The following ASIC4 variants were observed in gnomAD, a reference collection of about 807,000 sequenced individuals.
ASIC4 encodes acid-sensing ion channel 4.
A neutral mutation model predicts 53.4 loss-of-function variants in ASIC4; 28 were observed. That is an observed-to-expected ratio of 0.52 (90% CI 0.39 to 0.72). The LOEUF (loss-of-function observed/expected upper bound fraction) is 0.72, where lower values mean the gene tolerates loss of function less well. ASIC4 is among the 30% of genes least tolerant of loss of function. The pLI is 0.00. For missense variants in ASIC4, 649 were observed against 729.7 expected, an observed-to-expected ratio of 0.89 and a Z score of 1.27; for synonymous variants, 289 against 301.4, an observed-to-expected ratio of 0.96 and a Z score of 0.43.
At chr2:219,527,274 T>C (rs193020214) in intron 1 of ASIC4, among the ~76,000 whole-genome samples, 84 of 152,352 alleles carry the variant, frequency 5.5e-4, no homozygotes, top group African/African-American at 1.9e-3. Flanking sequence ...TGACCCGGGC[T>C]GTGCAGGTGG....
At chr2:219,535,020 C>G in intron 5 of ASIC4, 151 bp from the exon 6 acceptor site, 1 of 1,182,094 alleles carries the variant, frequency 8.5e-7, no homozygotes, top group Middle Eastern at 2.9e-4. Flanking sequence ...TGCAGCCAGT[C>G]CCCTCTAGGA....
Position 219,537,247 on chromosome 2 carries a change from C to T in ASIC4, c.1327C>T (p.Leu443Phe). ...ACTGCTCTCCTGCTTCCCAGGAGAC[C>T]TCGGGGGACAGATGGGCCTGTTCAT... ...AYGLSALLGDLGGQMGLFIGA... is the reference protein window; with the variant it reads ...AYGLSALLGDFGGQMGLFIGA... Residue 443 changes from leucine (L) to phenylalanine (F), a missense_variant, in exon 8 of 10, where the codon CTC (leucine) becomes TTC (phenylalanine). By Grantham distance (22) the Leu-to-Phe change is conservative (BLOSUM62 0). Coordinates refer to ENST00000358078, the MANE Select transcript of ASIC4 (RefSeq NM_018674.6). This position sits in a 1 kb window ranked among gnomAD's most constrained non-coding sequence, Gnocchi z 4.9. The T allele has an allele frequency of 6.2e-7, 1 of 1,613,678 alleles. No individual in the cohort carries two copies. The highest frequency in any genetic ancestry group is 8.5e-7 in the Non-Finnish European group (1 of 1,179,784).
At chr2:219,507,717 A>G in the ASIC4 span, among the ~76,000 whole-genome samples, 1 of 152,004 alleles carries the variant, frequency 6.6e-6, no homozygotes, top group African/African-American at 2.4e-5. Flanking sequence ...GTGTTGCCAG[A>G]TGAGCTGGTA....
At position 219,537,827 on chromosome 2, in the gene ASIC4, G is replaced by T. The variant is rs1410743132; in HGVS notation, c.1506+91G>T. 74 of 1,503,940 alleles carry T rather than the reference G, an allele frequency of 4.9e-5. No individual in the cohort carries two copies. Among genetic ancestry groups the T allele is most frequent in the Non-Finnish European group, 6.2e-5 (68 of 1,100,742 alleles). The allele number at this position is 1,503,940 out of a possible 1,614,324, so 93.2% of individuals were successfully genotyped here. On this transcript the variant is annotated intron_variant, in intron 9 of 9. Coordinates refer to ENST00000358078, the MANE Select transcript of ASIC4 (RefSeq NM_018674.6). The surrounding 1 kb of genome is among the most constrained non-coding windows in gnomAD (Gnocchi z 4.9). The stretch of plus-strand genomic sequence containing the variant: ...GTTTCTGAACCAGCCTGTGGAGGGG[G>T]CCCTGGAGCCTCTGCCCGAGGTGAC...
intron 5 of ASIC4, among the ~76,000 whole-genome samples, chr2:219,534,805 CCATCCATG>C (rs1695100986): frequency 8.2e-6 from 1 of 121,474 alleles, no homozygotes. Flanking sequence ...ATCCATCCAT[CCATCCATG>C]CATGCATCCC....
chr2:219,527,306 A>G (rs982721570), intron 1 of ASIC4, among the ~76,000 whole-genome samples: 3 of 152,218 alleles, frequency 2.0e-5, no homozygotes, highest in Admixed American at 6.5e-5. Context: ...CAGTCTGGCC[A>G]GTCCGTTCCC....
At chr2:219,508,090 C>G in the ASIC4 span, among the ~76,000 whole-genome samples, 4 of 152,180 alleles carry the variant, frequency 2.6e-5, no homozygotes, top group Non-Finnish European at 5.9e-5. Flanking sequence ...TTCCTCAGTT[C>G]CTCCTGTCCT....
At chr2:219,514,424 A>C, upstream of ASIC4, 1 of 1,549,540 alleles carries the variant, frequency 6.5e-7, no homozygotes, top group Non-Finnish European at 8.7e-7. Flanking sequence ...TCGCAGGGAC[A>C]CACGCAGGGG....
intron 1 of ASIC4, among the ~76,000 whole-genome samples, chr2:219,527,402 G>A (rs1440933748): frequency 6.6e-6 from 1 of 152,244 alleles, no homozygotes; most frequent in African/African-American, 2.4e-5. Context: ...GGGTTTGTGT[G>A]CCAAGGAACC....
Position 219,517,508 on chromosome 2 carries a change from TC to T in ASIC4, c.582+2207del, listed in dbSNP as rs1694814428. On this transcript the variant is annotated intron_variant, in intron 1 of 9. Coordinates refer to ENST00000358078, the MANE Select transcript of ASIC4 (RefSeq NM_018674.6). The surrounding 1 kb of genome is among the most constrained non-coding windows in gnomAD (Gnocchi z 4.2). ...CTCCTACTCTTCTGCACATACTGCA[TC>T]CCCCGTCTGCTGAGTGTAACTCTGT... Among the ~76,000 whole-genome samples the T allele has an allele frequency of 6.6e-6, 1 of 152,130 alleles. No individual in the cohort carries two copies. The highest frequency in any genetic ancestry group is 2.4e-5 in the African/African-American group (1 of 41,418).
At chr2:219,523,062 ACACC>A (rs1694913325) in intron 1 of ASIC4, among the ~76,000 whole-genome samples, 1 of 151,166 alleles carries the variant, frequency 6.6e-6, no homozygotes, top group Non-Finnish European at 1.5e-5. Context: ...TGGCAGGCGC[ACACC>A]CACCCACCCA....
At position 219,537,957 on chromosome 2, in the gene ASIC4, G is replaced by A. The variant is rs911012346; in HGVS notation, c.1531G>A (p.Val511Met). 5.0e-6 allele frequency: 8 copies of A among 1,611,504 alleles called. No homozygotes were observed. The African/African-American group carries it at 1.1e-4, about 22-fold the overall frequency. The change falls in exon 10 of 10, where the codon GTG becomes ATG. Residue 511 changes from valine (V) to methionine (M), a missense_variant. Physicochemically the swap from Val to Met is conservative, Grantham distance 21. Transcript: ENST00000358078. The surrounding 1 kb of genome is among the most constrained non-coding windows in gnomAD (Gnocchi z 4.9). ...GAGTCCCTGCCCGAGCCGGGGCCGA[G>A]TGGAGGGTGGGGGGGTCAGCAGTCT... is the stretch of plus-strand genomic sequence containing the variant. ...EQSPCPSRGR[V>M]EGGGVSSLLP...
Position 219,514,880 on chromosome 2 carries a change from T to C in ASIC4, c.156T>C (p.His52=), listed in dbSNP as rs372138026. Residue 52 remains histidine (H), a synonymous_variant, in exon 1 of 10, where the codon CAT becomes CAC. Transcript: ENST00000358078. ...CCTTTGCCAGCACCAGCACCCTGCA[T>C]GGACTGGGCCGGGCCTGTGGCCCAG... ...LATFASTSTL[H]GLGRACGPGP... The C allele has an allele frequency of 3.7e-6, 6 of 1,611,786 alleles. No homozygotes were observed. Among genetic ancestry groups the C allele is most frequent in the African/African-American group, 2.7e-5 (2 of 74,228 alleles).
At position 219,536,123 on chromosome 2, in the gene ASIC4, T is replaced by C. The variant is rs1409373507; in HGVS notation, c.1229+799T>C. On this transcript the variant is annotated intron_variant, in intron 6 of 9. Coordinates refer to ENST00000358078, the MANE Select transcript of ASIC4 (RefSeq NM_018674.6). This position sits in a 1 kb window ranked among gnomAD's most constrained non-coding sequence, Gnocchi z 4.6. ...CACTCATTGCTCAAGTCACGTTCAG[T>C]GTCTCCACCTCCAGGGAAGTGCTTC... Among the ~76,000 whole-genome samples, 1 of 152,222 alleles carries C rather than the reference T, an allele frequency of 6.6e-6. No homozygotes were observed. Among genetic ancestry groups the C allele is most frequent in the Non-Finnish European group, 1.5e-5 (1 of 68,040 alleles).
chr2:219,532,653 T>G, intron 4 of ASIC4, 176 bp downstream of exon 4: 1 of 963,176 alleles, frequency 1.0e-6, no homozygotes, highest in East Asian at 2.6e-5. Context: ...CATATGCATG[T>G]GGGAATGCCG....
chr2:219,535,433 GTGTT>G (rs572143533), intron 6 of ASIC4, 109 bp downstream of exon 6: 37 of 1,284,124 alleles, frequency 2.9e-5, no homozygotes, highest in Middle Eastern at 2.7e-4. Context: ...ATGTGTGTAT[GTGTT>G]TGTGTGTATG....
At chr2:219,529,431 A>G (rs1439801179) in intron 1 of ASIC4, among the ~76,000 whole-genome samples, 1 of 152,172 alleles carries the variant, frequency 6.6e-6, no homozygotes, top group Admixed American at 6.5e-5. Flanking sequence ...GATATGGAGA[A>G]GAAAGGGTGA....
intron 1 of ASIC4, among the ~76,000 whole-genome samples, chr2:219,530,329 A>C (rs6732787): frequency 6.6e-6 from 1 of 152,230 alleles, no homozygotes; most frequent in East Asian, 1.9e-4. Flanking sequence ...CTGGGCTTCC[A>C]TCTCCGGGGC....
Position 219,537,704 on chromosome 2 carries a change from T to C in ASIC4, c.1474T>C (p.Ser492Pro). Residue 492 changes from serine to proline, a missense_variant, in exon 9 of 10, where the codon TCC becomes CCC. Coordinates refer to ENST00000358078, the MANE Select transcript of ASIC4 (RefSeq NM_018674.6). The surrounding 1 kb of genome is among the most constrained non-coding windows in gnomAD (Gnocchi z 4.9). ...CCTGCGGACCTCCACTGGGGGCATC[T>C]CCACTTTGGGGCTTCAGGAGCTGAA... Reference protein sequence around the residue: ...TPLRTSTGGISTLGLQELKEQ... With the variant: ...TPLRTSTGGIPTLGLQELKEQ... The C allele has an allele frequency of 6.2e-7, 1 of 1,614,014 alleles. No individual in the cohort carries two copies.
Sources: allele counts gnomAD v4.1 joint callset (sites outside exome capture counted in the v4.1 genomes callset), GRCh38; gene constraint gnomAD v4.1.1; non-coding constraint Gnocchi (gnomAD v3.1); transcripts MANE v1.5; gene names NCBI Gene and HGNC (gene_info 2026-07-23, HGNC 2026-07-21).